Variants in LVRN observed in about 807,000 individuals in gnomAD.
The protein encoded by LVRN is laeverin.
LVRN carries 99 observed loss-of-function variants against 111.4 expected under a neutral mutation model. That is an observed-to-expected ratio of 0.89 (90% confidence interval 0.76 to 1.05). The LOEUF is 1.05. Among genes scored for constraint, LVRN ranks in the 50% least tolerant of loss-of-function variants. The pLI is 0.00. For synonymous variants in LVRN, 488 were observed against 449.5 expected (o/e 1.09, Z -1.08); for missense variants, 1,414 against 1,206.8 (o/e 1.17, Z -2.54).
chr5:116,000,787 G>A (rs896109522), intron 9 of LVRN, 129 bp downstream of exon 9: 1 of 982,646 alleles, frequency 1.0e-6, no homozygotes, highest in Non-Finnish European at 1.5e-6. Context: ...ACTCCCTTAG[G>A]TCATGGGTAG....
chr5:115,988,839 G>T (rs1580384609), intron 4 of LVRN, among the ~76,000 whole-genome samples: 1 of 152,268 alleles, frequency 6.6e-6, no homozygotes, highest in South Asian at 2.1e-4. Flanking sequence ...CAGGCATGGA[G>T]ACCAAGCTCC....
intron 4 of LVRN, among the ~76,000 whole-genome samples, chr5:115,989,875 T>C (rs1462856193): frequency 6.6e-6 from 1 of 152,190 alleles, no homozygotes; most frequent in East Asian, 1.9e-4. Flanking sequence ...AACTAATGTT[T>C]CTTAATTGCT....
intron 4 of LVRN, among the ~76,000 whole-genome samples, chr5:115,990,366 A>G (rs1747960501): frequency 6.6e-6 from 1 of 152,178 alleles, no homozygotes. Context: ...ATTAATGATG[A>G]ACATTTTAAA....
At chr5:116,014,217 G>A (rs1167137268) in intron 15 of LVRN, among the ~76,000 whole-genome samples, 1 of 152,086 alleles carries the variant, frequency 6.6e-6, no homozygotes, top group Non-Finnish European at 1.5e-5. Context: ...GCTCTTTTTG[G>A]TGCCTAAGAG....
chr5:116,001,107 T>C lies in LVRN; in HGVS notation c.1688T>C (p.Ile563Thr). 1.2e-6 allele frequency: 2 copies of C among 1,611,412 alleles called. No homozygotes were observed. The highest frequency in any genetic ancestry group is 2.2e-5 in the South Asian group (2 of 90,482). Residue 563 changes from isoleucine (I) to threonine (T), a missense_variant, in exon 10 of 20, where the codon ATA (isoleucine) becomes ACA (threonine). Transcript: ENST00000357872. ...DQSTVILPAT[I>T]KNIMDSWTHQ... is the part of the protein sequence containing the mutation. Reference sequence around the variant, plus strand: ...AGTACAGTTATTTTGCCAGCAACAATAAAAAACATAATGGACAGTTGGACA... The same window carrying C: ...AGTACAGTTATTTTGCCAGCAACAACAAAAAACATAATGGACAGTTGGACA...
At chr5:115,973,816 C>A (rs58485864) in intron 1 of LVRN, among the ~76,000 whole-genome samples, 2 of 152,026 alleles carry the variant, frequency 1.3e-5, no homozygotes, top group African/African-American at 4.8e-5. Flanking sequence ...TTATCTAGTA[C>A]CACTCTACCA....
intron 10 of LVRN, among the ~76,000 whole-genome samples, chr5:116,001,681 G>T (rs1297138846): frequency 1.3e-5 from 2 of 152,186 alleles, no homozygotes; most frequent in Non-Finnish European, 2.9e-5. Flanking sequence ...CTGTGCAGGG[G>T]TGTGCACGGA....
In LVRN at chr5:116,015,271, G is replaced by A. The variant is rs1250564115; in HGVS notation, c.2470G>A (p.Asp824Asn). ...TTACAGAATACCTTATCCAATTAAA[G>A]ATGTGGTTTTATGTTATGGCATTGC... The part of the protein sequence containing the change: ...PENEIPYPIK[D>N]VVLCYGIALG... Residue 824 changes from aspartate (D) to asparagine (N), a missense_variant, in exon 17 of 20, where the codon GAT becomes AAT. Physicochemically the swap from Asp to Asn is conservative, Grantham distance 23. Coordinates refer to ENST00000357872, the MANE Select transcript of LVRN (RefSeq NM_173800.5). The A allele has an allele frequency of 6.2e-7, 1 of 1,601,262 alleles. No individual in the cohort carries two copies. Among genetic ancestry groups the A allele is most frequent in the Non-Finnish European group, 8.5e-7 (1 of 1,174,796 alleles).
At chr5:115,971,271 A>G (rs1001156343) in intron 1 of LVRN, among the ~76,000 whole-genome samples, 2 of 70,876 alleles carry the variant, frequency 2.8e-5, no homozygotes, top group African/African-American at 1.2e-4. Flanking sequence ...ATAATTTTTC[A>G]GTTGTGGCTT....
At chr5:116,024,492 G>A (rs1748821564) in intron 19 of LVRN, among the ~76,000 whole-genome samples, 1 of 152,162 alleles carries the variant, frequency 6.6e-6, no homozygotes, top group Non-Finnish European at 1.5e-5. Flanking sequence ...CCTGCCTAAG[G>A]CTGAGCTGTC....
intron 1 of LVRN, among the ~76,000 whole-genome samples, chr5:115,976,824 G>A (rs1187567539): frequency 6.6e-6 from 1 of 152,048 alleles, no homozygotes; most frequent in Non-Finnish European, 1.5e-5. Flanking sequence ...GAGAATGCTG[G>A]CCCTTTTGGA....
chr5:115,993,464 A>G (rs1748038879), intron 5 of LVRN, among the ~76,000 whole-genome samples: 1 of 152,222 alleles, frequency 6.6e-6, no homozygotes, highest in Admixed American at 6.5e-5. Context: ...AAGAAATGCT[A>G]TTCTAGCTGA....
rs191988734 is a variant in LVRN at position 116,017,082 on chromosome 5, G to A, written c.2756+1317G>A. Among the ~76,000 whole-genome samples, 509 of 152,248 alleles carry A rather than the reference G, an allele frequency of 3.3e-3. 3 individuals carry two copies. The highest frequency in any genetic ancestry group is 0.012 in the African/African-American group (485 of 41,544). On this transcript the variant is annotated intron_variant, in intron 18 of 19. Transcript: ENST00000357872. ...TGGCAAGGGCTTTTGGGGATTTAAGGGGAAGAAAGGGATGTGCATGTGATT... is the reference window on the plus strand; with the variant it reads ...TGGCAAGGGCTTTTGGGGATTTAAGAGGAAGAAAGGGATGTGCATGTGATT...
chr5:116,008,525 C>G (rs550411940), intron 13 of LVRN, among the ~76,000 whole-genome samples: 83 of 151,612 alleles, frequency 5.5e-4, no homozygotes, highest in African/African-American at 1.5e-3. Context: ...ACTCTTGCTC[C>G]ACATGGCCAA....
chr5:115,968,454 T>C (rs1753249303), intron 1 of LVRN, among the ~76,000 whole-genome samples: 1 of 103,622 alleles, frequency 9.7e-6, no homozygotes, highest in East Asian at 2.9e-4. Flanking sequence ...TTTTTTTTTT[T>C]CAGAGATGGG....
chr5:115,997,545 T>A (rs1399418869), intron 6 of LVRN, among the ~76,000 whole-genome samples: 1 of 151,874 alleles, frequency 6.6e-6, no homozygotes, highest in Admixed American at 6.6e-5. Flanking sequence ...ACCCTTGTAG[T>A]CCTAGCTACT....
rs1190168747 is a variant in LVRN, at chr5:115,992,265, G to A, written c.1248G>A (p.Glu416=). 6.2e-7 allele frequency: 1 copy of A among 1,613,666 alleles called. No individual in the cohort carries two copies. Among genetic ancestry groups the A allele is most frequent in the Non-Finnish European group, 8.5e-7 (1 of 1,179,860 alleles). ...KTLISYVVSH[E]IGHQWFGNLV... is the part of the protein sequence containing the mutation. ...TGATCTCCTATGTTGTCTCCCACGAGATTGGACACCAGGCATGTGGTAAAA... is the reference window on the plus strand; with the variant it reads ...TGATCTCCTATGTTGTCTCCCACGAAATTGGACACCAGGCATGTGGTAAAA... Residue 416 remains glutamate, a synonymous_variant, in exon 5 of 20, where the codon GAG becomes GAA. Transcript: ENST00000357872.
chr5:115,967,509 A>G (rs1465769712), intron 1 of LVRN, among the ~76,000 whole-genome samples: 1 of 152,198 alleles, frequency 6.6e-6, no homozygotes, highest in African/African-American at 2.4e-5. Context: ...CCAGTACTAC[A>G]TAGTCTTGCT....
chr5:116,020,792 G>A (rs1443027147), intron 18 of LVRN, among the ~76,000 whole-genome samples: 5 of 152,176 alleles, frequency 3.3e-5, no homozygotes, highest in Non-Finnish European at 7.3e-5. Flanking sequence ...ATGAAGGGAG[G>A]GGTAATGTGA....
Sources: gnomAD v4.1 joint callset for allele counts (sites outside exome capture counted in the v4.1 genomes callset) on GRCh38, gnomAD v4.1.1 for gene constraint, MANE v1.5 for transcripts, NCBI Gene and HGNC (gene_info 2026-07-23, HGNC 2026-07-21) for gene names.